Variants in SMCHD1 observed in about 807,000 individuals in gnomAD.
SMCHD1 encodes the protein structural maintenance of chromosomes flexible hinge domain-containing protein 1.
A neutral mutation model predicts 254.7 loss-of-function variants in SMCHD1; 78 were observed. The observed-to-expected ratio is 0.31, with a 90% CI of 0.26 to 0.37. The LOEUF is 0.37. Among genes scored for constraint, SMCHD1 ranks in the 10% least tolerant of loss-of-function variants. The pLI, the probability that SMCHD1 is intolerant of heterozygous loss-of-function variation, is 1.00. For missense variants in SMCHD1, 1,840 were observed against 2,408.1 expected (o/e 0.76, Z 4.94); for synonymous variants, 766 against 794.9 (o/e 0.96, Z 0.61).
intron 23 of SMCHD1, chr18:2,728,951 GAAAA>G: frequency 2.4e-5 from 4 of 167,988 alleles, no homozygotes; most frequent in South Asian, 2.0e-4. Flanking sequence ...TTACTTTAGG[GAAAA>G]AAAAAAAAAG....
At chr18:2,766,876 C>T (rs1199872684) in intron 37 of SMCHD1, among the ~76,000 whole-genome samples, 1 of 152,128 alleles carries the variant, frequency 6.6e-6, no homozygotes, top group Non-Finnish European at 1.5e-5. Flanking sequence ...GGTAGGTATG[C>T]ATCAGGGATT....
At chr18:2,710,972 T>G (rs1289590771) in intron 17 of SMCHD1, among the ~76,000 whole-genome samples, 1 of 152,058 alleles carries the variant, frequency 6.6e-6, no homozygotes, top group African/African-American at 2.4e-5. Context: ...ATTGGTTGTT[T>G]TTTGTTTTTT....
chr18:2,767,255 C>A (rs543648550), intron 37 of SMCHD1, among the ~76,000 whole-genome samples: 62 of 123,066 alleles, frequency 5.0e-4, no homozygotes, highest in African/African-American at 1.6e-3. Context: ...AAGACCCTGT[C>A]TCAAAAAAAA....
chr18:2,715,720 G>A (rs2074783151), intron 17 of SMCHD1, among the ~76,000 whole-genome samples: 1 of 152,046 alleles, frequency 6.6e-6, no homozygotes, highest in Non-Finnish European at 1.5e-5. Flanking sequence ...AAGTGGGCAT[G>A]GTAATATATA....
At position 2,666,305 on chromosome 18, in the gene SMCHD1, T is replaced by G. The variant is rs1598283293; in HGVS notation, c.262+73T>G. On this transcript the variant is annotated intron_variant, in intron 2 of 47. Transcript: ENST00000320876. ...TTAGTACATATATAGCAATAACTTT[T>G]ATTAGATATGCATCTAAATCTGTTG... 13 of 673,216 alleles carry G rather than the reference T, an allele frequency of 1.9e-5. No individual in the cohort carries two copies. The East Asian group carries it at 3.5e-4, about 18-fold the overall frequency. 41.7% of individuals were successfully genotyped at this position (673,216 alleles called of 1,614,324 possible). A position where few individuals can be genotyped will look rare whatever the true frequency, so the allele number is the denominator to read the frequency against.
intron 13 of SMCHD1, among the ~76,000 whole-genome samples, chr18:2,704,302 A>G (rs2143218688): frequency 6.6e-6 from 1 of 152,332 alleles, no homozygotes; most frequent in Middle Eastern, 3.4e-3. Context: ...TTCCTAAACT[A>G]AACTTTACTC....
rs753578196 is a variant in SMCHD1 at position 2,771,520 on chromosome 18, T to G, written c.4967-13T>G. On this transcript the variant is annotated splice_polypyrimidine_tract_variant and intron_variant, in intron 39 of 47. Transcript: ENST00000320876. ...ATCAGAAATTGATGCAAATTTTTGG[T>G]TTTTTATTTTAGGTCAAGTTGAAGA... 2 of 1,550,484 alleles carry G rather than the reference T, an allele frequency of 1.3e-6. No individual in the cohort carries two copies. The highest frequency in any genetic ancestry group is 4.9e-5 in the Admixed American group (2 of 41,160).
chr18:2,715,831 A>G (rs1332689957), intron 17 of SMCHD1, among the ~76,000 whole-genome samples: 2 of 152,234 alleles, frequency 1.3e-5, no homozygotes, highest in Non-Finnish European at 2.9e-5. Flanking sequence ...ACCCAGGGCA[A>G]CAGAGCAAGA....
intron 47 of SMCHD1, among the ~76,000 whole-genome samples, chr18:2,797,606 G>A (rs946900196): frequency 6.6e-6 from 1 of 152,238 alleles, no homozygotes; most frequent in South Asian, 2.1e-4. Flanking sequence ...CTATGCAGTA[G>A]AGGGACAATT....
At chr18:2,671,644 G>T (rs1326402761) in intron 3 of SMCHD1, among the ~76,000 whole-genome samples, 1 of 141,080 alleles carries the variant, frequency 7.1e-6, no homozygotes, top group Non-Finnish European at 1.5e-5. Context: ...CGCCCAGGCT[G>T]GAGTGCAGTG....
In SMCHD1 at chr18:2,804,485, A is replaced by G. The variant is rs767276301; in HGVS notation, c.*1933A>G. ...ATGGATATTATCTAGCCCCAAGCCCATATCTGTACACTTTTGTTCATTTTA... is the reference window on the plus strand; with the variant it reads ...ATGGATATTATCTAGCCCCAAGCCCGTATCTGTACACTTTTGTTCATTTTA... On this transcript the variant is annotated 3_prime_UTR_variant, in exon 48 of 48. Coordinates refer to ENST00000320876, the MANE Select transcript of SMCHD1 (RefSeq NM_015295.3). The G allele has an allele frequency of 1.3e-5, 2 of 152,138 alleles. No homozygotes were observed. The highest frequency in any genetic ancestry group is 2.9e-5 in the Non-Finnish European group (2 of 68,022). The allele number at this position is 152,138 out of a possible 1,614,324, so 9.4% of individuals were successfully genotyped here. A position where few individuals can be genotyped will look rare whatever the true frequency, so the allele number is the denominator to read the frequency against.
Position 2,762,166 on chromosome 18 carries a change from C to T in SMCHD1, c.4496C>T (p.Thr1499Ile). The change falls in exon 36 of 48, where the codon ACA (threonine) becomes ATA (isoleucine). Residue 1499 changes from threonine (T) to isoleucine (I), a missense_variant. Transcript: ENST00000320876. ...TTAGTACCTAAAATTAAACCACCTACACCAGCTGTTTCAAATGTTCGCTCA... is the reference window on the plus strand; with the variant it reads ...TTAGTACCTAAAATTAAACCACCTATACCAGCTGTTTCAAATGTTCGCTCA... ...VKLVPKIKPP[T>I]PAVSNVRSVA... 1.2e-6 allele frequency: 2 copies of T among 1,613,608 alleles called. No homozygotes were observed. Among genetic ancestry groups the T allele is most frequent in the South Asian group, 1.1e-5 (1 of 91,074 alleles).
intron 17 of SMCHD1, among the ~76,000 whole-genome samples, chr18:2,709,540 G>C (rs904866616): frequency 6.6e-6 from 1 of 152,124 alleles, no homozygotes; most frequent in South Asian, 2.1e-4. Context: ...ATTTCCTGTG[G>C]GTTTTTTTGT....
chr18:2,688,933 T>G (rs1340146844), intron 7 of SMCHD1, among the ~76,000 whole-genome samples, 186 bp downstream of exon 7: 3 of 152,182 alleles, frequency 2.0e-5, no homozygotes, highest in African/African-American at 7.2e-5. Context: ...CTAAGCTTTC[T>G]GTAAATTGCT....
chr18:2,715,291 AT>A (rs1166601088), intron 17 of SMCHD1, among the ~76,000 whole-genome samples: 1 of 152,034 alleles, frequency 6.6e-6, no homozygotes, highest in East Asian at 1.9e-4. Flanking sequence ...GGCTTTGATC[AT>A]TTTTTACAAT....
chr18:2,755,076 A>G (rs1417157090), intron 34 of SMCHD1, among the ~76,000 whole-genome samples: 1 of 152,096 alleles, frequency 6.6e-6, no homozygotes, highest in Admixed American at 6.6e-5. Context: ...TAATTTAGAG[A>G]CAGGGTCTCA....
chr18:2,758,857 T>C (rs1428012575), intron 34 of SMCHD1, among the ~76,000 whole-genome samples: 1 of 152,196 alleles, frequency 6.6e-6, no homozygotes, highest in Non-Finnish European at 1.5e-5. Flanking sequence ...GTGGATTTCT[T>C]TTTTACATCC....
At chr18:2,774,145 A>G (rs2076028276) in intron 41 of SMCHD1, among the ~76,000 whole-genome samples, 2 of 152,120 alleles carry the variant, frequency 1.3e-5, no homozygotes, top group South Asian at 4.1e-4. Flanking sequence ...TCAGTTAAAC[A>G]TATTATAGTT....
At chr18:2,796,328 T>A in intron 46 of SMCHD1, 79 bp from the exon 47 acceptor site, 1 of 950,970 alleles carries the variant, frequency 1.1e-6, no homozygotes, top group Non-Finnish European at 1.6e-6. Context: ...CTATAAATTA[T>A]GACATATTCA....
Sources: gnomAD v4.1 joint callset for allele counts (sites outside exome capture counted in the v4.1 genomes callset) on GRCh38, gnomAD v4.1.1 for gene constraint, MANE v1.5 for transcripts, NCBI Gene and HGNC (gene_info 2026-07-23, HGNC 2026-07-21) for gene names.